The following SOCS7 variants were observed in gnomAD, a reference collection of about 807,000 sequenced individuals.
SOCS7 encodes the protein suppressor of cytokine signaling 7, also known as NAP-4.
In SOCS7, 18 loss-of-function variants were observed where a neutral mutation model predicts 58.9. The ratio of observed to expected loss-of-function variants is 0.31; its 90% CI spans 0.21 to 0.45. SOCS7 has a LOEUF of 0.45. SOCS7 is among the 20% of genes least tolerant of loss of function. The probability of loss-of-function intolerance (pLI) is 1.00; values close to 1 mark genes in which losing one functional copy is unlikely to be tolerated. For missense variants in SOCS7, 667 were observed against 837.3 expected (o/e 0.80, Z 2.51); for synonymous variants, 388 against 364.3 (o/e 1.06, Z -0.74).
chr17:38,378,976 G>T (rs1001206091), intron 7 of SOCS7, among the ~76,000 whole-genome samples: 2 of 151,938 alleles, frequency 1.3e-5, no homozygotes, highest in African/African-American at 2.4e-5. Context: ...TGGGCAACAT[G>T]GTGAAACCAT....
intron 7 of SOCS7, among the ~76,000 whole-genome samples, chr17:38,386,323 CAAAA>C (rs548448434): frequency 2.4e-3 from 124 of 51,788 alleles, no homozygotes; most frequent in African/African-American, 9.3e-3. Flanking sequence ...GGCTGTGTCT[CAAAA>C]AAAAAAAAAA....
At chr17:38,390,530 A>G (rs1358263797) in intron 7 of SOCS7, among the ~76,000 whole-genome samples, 1 of 152,154 alleles carries the variant, frequency 6.6e-6, no homozygotes, top group Non-Finnish European at 1.5e-5. Context: ...GAATATTGGC[A>G]TGTCAACAAT....
chr17:38,363,527 G>T (rs778761276), intron 2 of SOCS7, among the ~76,000 whole-genome samples: 1 of 152,150 alleles, frequency 6.6e-6, no homozygotes, highest in African/African-American at 2.4e-5. Flanking sequence ...TAGAGACGGG[G>T]TCTTAACGTG....
At chr17:38,363,946 T>G (rs1023869350) in intron 2 of SOCS7, among the ~76,000 whole-genome samples, 1 of 152,142 alleles carries the variant, frequency 6.6e-6, no homozygotes, top group Non-Finnish European at 1.5e-5. Context: ...ATAAAATACC[T>G]TTCATCCTCT....
chr17:38,361,560 C>CTTTAT, intron 1 of SOCS7, 151 bp from the exon 2 acceptor site: 1 of 692,928 alleles, frequency 1.4e-6, no homozygotes, highest in Non-Finnish European at 2.6e-6. Context: ...CATTCTCCCC[C>CTTTAT]TTTATTTTAT....
rs918650562 is a variant in SOCS7 at position 38,400,916 on chromosome 17, G to A, written c.*1434G>A. On this transcript the variant is annotated 3_prime_UTR_variant, in exon 10 of 10. Transcript: ENST00000612932. ...AGGTTTGCTATTGAGATGTAACAGT[G>A]GAGCTGTTGGGTCTTCATGACTCCT... The A allele has an allele frequency of 7.9e-5, 12 of 152,234 alleles. No homozygotes were observed. Among genetic ancestry groups the A allele is most frequent in the Admixed American group, 7.9e-4 (12 of 15,278 alleles). 9.4% of individuals were successfully genotyped at this position (152,234 alleles called of 1,614,324 possible).
At chr17:38,380,630 CAAA>C (rs1226167969) in intron 7 of SOCS7, among the ~76,000 whole-genome samples, 1 of 122,882 alleles carries the variant, frequency 8.1e-6, no homozygotes. Context: ...GACTCTGTCT[CAAA>C]AAAAAAAAAA....
chr17:38,389,900 C>CATATATATGTGT (rs1263290062), intron 7 of SOCS7, among the ~76,000 whole-genome samples: 13 of 20,190 alleles, frequency 6.4e-4, no homozygotes, highest in South Asian at 6.5e-3. Context: ...TATATATATA[C>CATATATATGTGT]ACATATAGAG....
chr17:38,352,097 C>T lies in SOCS7; in HGVS notation c.45C>T (p.Ala15=). The T allele has an allele frequency of 1.6e-6, 1 of 635,156 alleles. No homozygotes were observed. Among genetic ancestry groups the T allele is most frequent in the Non-Finnish European group, 2.2e-6 (1 of 453,774 alleles). 39.3% of individuals were successfully genotyped at this position (635,156 alleles called of 1,614,324 possible). ...GGGATGGCGAGGCGGCGGCGGCGGC[C>T]GCTTCGTACCGCGTCCTGAGCCGCC... ...ELRDGEAAAA[A]ASYRVLSRLL... The change falls in exon 1 of 10, where the codon GCC becomes GCT. Residue 15 remains alanine (A), a synonymous_variant. Transcript: ENST00000612932. The surrounding 1 kb of genome is among the most constrained non-coding windows in gnomAD (Gnocchi z 5.5).
chr17:38,380,466 A>G (rs1392739847), intron 7 of SOCS7, among the ~76,000 whole-genome samples: 1 of 151,950 alleles, frequency 6.6e-6, no homozygotes, highest in Admixed American at 6.6e-5. Context: ...CCTCGCCTCT[A>G]CTAAAAATAC....
intron 7 of SOCS7, among the ~76,000 whole-genome samples, chr17:38,387,579 A>C (rs372767153): frequency 7.2e-6 from 1 of 139,008 alleles, no homozygotes; most frequent in Non-Finnish European, 1.5e-5. Flanking sequence ...TATATACACA[A>C]TATATTGTAT....
chr17:38,376,605 G>T (rs2037934119), intron 6 of SOCS7, among the ~76,000 whole-genome samples: 1 of 151,982 alleles, frequency 6.6e-6, no homozygotes, highest in Non-Finnish European at 1.5e-5. Flanking sequence ...GGTGGCAGGT[G>T]CCTGTAATCC....
rs41321647 is a variant in SOCS7 at position 38,353,245 on chromosome 17, C to T, written c.980+213C>T. ...AGAGTGCACACTCCGTGACACTTCT[C>T]AGCTGGTTTGCATCTGTCTTGTTGG... On this transcript the variant is annotated intron_variant, in intron 1 of 9. Coordinates refer to ENST00000612932, the MANE Select transcript of SOCS7 (RefSeq NM_014598.4). 8.3e-3 allele frequency among the ~76,000 whole-genome samples: 1,271 copies of T among 152,308 alleles called. 4 individuals are homozygous for T. Among genetic ancestry groups the T allele is most frequent in the Non-Finnish European group, 0.012 (785 of 68,024 alleles).
chr17:38,360,844 A>G (rs2037709125), intron 1 of SOCS7, among the ~76,000 whole-genome samples: 1 of 152,194 alleles, frequency 6.6e-6, no homozygotes, highest in African/African-American at 2.4e-5. Context: ...CGGCCAGCAT[A>G]TAACATATTT....
intron 1 of SOCS7, among the ~76,000 whole-genome samples, chr17:38,358,897 A>G (rs2037676309): frequency 2.0e-5 from 3 of 152,022 alleles, no homozygotes; most frequent in African/African-American, 7.2e-5. Context: ...TTCTTCTTCA[A>G]AATGCCGGGG....
At chr17:38,354,046 C>T (rs1009469546) in intron 1 of SOCS7, among the ~76,000 whole-genome samples, 1 of 152,262 alleles carries the variant, frequency 6.6e-6, no homozygotes, top group South Asian at 2.1e-4. Flanking sequence ...CAAACATAGA[C>T]GTTGAGTTTT....
intron 8 of SOCS7, 152 bp from the exon 9 acceptor site, chr17:38,395,696 A>G (rs973683808): frequency 4.6e-6 from 4 of 875,506 alleles, no homozygotes; most frequent in African/African-American, 3.4e-5. Flanking sequence ...AAGTGGTAAG[A>G]GTAAGGAAGA....
chr17:38,365,338 TC>T lies in SOCS7; in HGVS notation c.1183del (p.Val396TrpfsTer74). 1 of 1,613,282 alleles carries T rather than the reference TC, an allele frequency of 6.2e-7. No individual in the cohort carries two copies. Among genetic ancestry groups the T allele is most frequent in the Non-Finnish European group, 8.5e-7 (1 of 1,179,638 alleles). On this transcript the variant is annotated frameshift_variant, in exon 4 of 10. Transcript: ENST00000612932. LOFTEE classifies it high-confidence loss of function. ...ATCAGTGGGACGCTGCCTACATCTG[TC>T]CTTGTGGCTCCGATGGGGTCTTCCT... ...DDISGTLPTS[V>X]LVAPMGSSLQ... is the part of the protein sequence containing the mutation.
intron 2 of SOCS7, 112 bp from the exon 3 acceptor site, chr17:38,364,640 C>T: frequency 2.5e-6 from 2 of 802,116 alleles, no homozygotes; most frequent in Non-Finnish European, 4.2e-6. Flanking sequence ...TTTGAGCTTT[C>T]TGAGAGCAGC....
Sources: allele counts gnomAD v4.1 joint callset (sites outside exome capture counted in the v4.1 genomes callset), GRCh38; gene constraint gnomAD v4.1.1; non-coding constraint Gnocchi (gnomAD v3.1); transcripts MANE v1.5; gene names NCBI Gene and HGNC (gene_info 2026-07-23, HGNC 2026-07-21).